Variants in CAMSAP1 observed in about 807,000 individuals in gnomAD.
CAMSAP1 encodes the protein calmodulin regulated spectrin associated protein 1.
In CAMSAP1, 58 loss-of-function variants were observed where a neutral mutation model predicts 143.5. The ratio of observed to expected loss-of-function variants is 0.40; its 90% CI spans 0.33 to 0.50. The LOEUF (loss-of-function observed/expected upper bound fraction) is 0.50. Among genes scored for constraint, CAMSAP1 ranks in the 20% least tolerant of loss-of-function variants. The probability of loss-of-function intolerance (pLI) is 0.45; values close to 1 mark genes in which losing one functional copy is unlikely to be tolerated. For synonymous variants in CAMSAP1, 945 were observed against 859.3 expected (o/e 1.10, Z -1.74); for missense variants, 1,969 against 2,115.7 (o/e 0.93, Z 1.36).
At chr9:135,875,211 ATTTTTT>A (rs56899993) in intron 3 of CAMSAP1, among the ~76,000 whole-genome samples, 1 of 147,068 alleles carries the variant, frequency 6.8e-6, no homozygotes, top group Non-Finnish European at 1.5e-5. Flanking sequence ...AGTGAAAACA[ATTTTTT>A]TTTTTTTTTG....
chr9:135,892,848 C>CAAAAAAAAAAAAAAAA (rs59978082), intron 1 of CAMSAP1, among the ~76,000 whole-genome samples: 2,049 of 41,896 alleles, frequency 0.049, 358 homozygotes, highest in Non-Finnish European at 0.068. Flanking sequence ...AAGACTGTCT[C>CAAAAAAAAAAAAAAAA]AAAAAAAAAA....
At position 135,818,236 on chromosome 9, in the gene CAMSAP1, C is replaced by T; in HGVS notation, c.4169-157G>A. Reference sequence around the variant, plus strand: ...GGAGCCGGGCTGCGCCTGGATGTGCCGCACATCTCAGAGCATCTGGTCTCA... The same window carrying T: ...GGAGCCGGGCTGCGCCTGGATGTGCTGCACATCTCAGAGCATCTGGTCTCA... On this transcript the variant is annotated intron_variant, in intron 13 of 16. Transcript: ENST00000389532. The surrounding 1 kb of genome is among the most constrained non-coding windows in gnomAD (Gnocchi z 7.7). The T allele has an allele frequency of 3.6e-6, 4 of 1,106,602 alleles. No individual in the cohort carries two copies. Among genetic ancestry groups the T allele is most frequent in the Middle Eastern group, 2.0e-4 (1 of 4,952 alleles). The allele number at this position is 1,106,602 out of a possible 1,614,324, so 68.5% of individuals were successfully genotyped here. A position where few individuals can be genotyped will look rare whatever the true frequency, so the allele number is the denominator to read the frequency against.
chr9:135,815,115 G>A lies in CAMSAP1; in HGVS notation c.4488C>T (p.His1496=), dbSNP rs1272911049. The change falls in exon 16 of 17, where the codon CAC becomes CAT. Residue 1496 remains histidine, a synonymous_variant. Coordinates refer to ENST00000389532, the MANE Select transcript of CAMSAP1 (RefSeq NM_015447.4). Reference sequence around the variant, plus strand: ...TACTTGCCTCCAATATGGAATTCTTGTGGGGTTCGTTCACTTTTCCAGCCA... The same window carrying A: ...TACTTGCCTCCAATATGGAATTCTTATGGGGTTCGTTCACTTTTCCAGCCA... ...CCLAGKVNEP[H]KNSILEELEK... is the part of the protein sequence containing the mutation. 2 of 1,612,120 alleles carry A rather than the reference G, an allele frequency of 1.2e-6. No individual in the cohort carries two copies. Among genetic ancestry groups the A allele is most frequent in the African/African-American group, 1.3e-5 (1 of 74,880 alleles).
chr9:135,874,693 T>TA (rs1837680958), intron 3 of CAMSAP1, among the ~76,000 whole-genome samples: 1 of 151,998 alleles, frequency 6.6e-6, no homozygotes, highest in African/African-American at 2.4e-5. Flanking sequence ...CCTTTATAAT[T>TA]AAAAAAGAGC....
Position 135,881,799 on chromosome 9 carries a change from G to A in CAMSAP1, c.424-5C>T, listed in dbSNP as rs901368081. On this transcript the variant is annotated splice_polypyrimidine_tract_variant and splice_region_variant and intron_variant, in intron 2 of 16. Transcript: ENST00000389532. ...CACCATTGCCATGTGGGCACTCTAGGGGCAGAGGCAGCAGCTATAATCCCT... is the reference window on the plus strand; with the variant it reads ...CACCATTGCCATGTGGGCACTCTAGAGGCAGAGGCAGCAGCTATAATCCCT... 2.0e-5 allele frequency: 31 copies of A among 1,551,744 alleles called. No homozygotes were observed. Among genetic ancestry groups the A allele is most frequent in the African/African-American group, 2.7e-5 (2 of 73,002 alleles).
At chr9:135,884,819 G>A (rs569425490) in intron 1 of CAMSAP1, among the ~76,000 whole-genome samples, 1 of 152,304 alleles carries the variant, frequency 6.6e-6, no homozygotes, top group African/African-American at 2.4e-5. Context: ...CGCACACGCC[G>A]GAGTGAGACG....
intron 1 of CAMSAP1, among the ~76,000 whole-genome samples, chr9:135,886,869 C>G (rs762722583): frequency 2.0e-5 from 3 of 152,194 alleles, no homozygotes; most frequent in African/African-American, 7.2e-5. Context: ...TGATGCAGTA[C>G]GACAAAAACA....
intron 7 of CAMSAP1, among the ~76,000 whole-genome samples, chr9:135,843,830 C>T (rs928038621): frequency 1.4e-5 from 2 of 146,746 alleles, no homozygotes; most frequent in East Asian, 4.0e-4. Context: ...GCCAAGATCG[C>T]GCCACTGCTC....
chr9:135,825,129 G>A (rs942060153), intron 8 of CAMSAP1, among the ~76,000 whole-genome samples: 10 of 152,084 alleles, frequency 6.6e-5, no homozygotes, highest in African/African-American at 2.4e-4. Context: ...AGCTTCCCAC[G>A]GGAAAAGCAA....
chr9:135,884,258 T>C (rs918847995), intron 1 of CAMSAP1, among the ~76,000 whole-genome samples: 8 of 152,152 alleles, frequency 5.3e-5, no homozygotes, highest in Non-Finnish European at 1.0e-4. Context: ...GAGACATTCA[T>C]GGGGACACTA....
chr9:135,902,914 C>T (rs1465796359), intron 1 of CAMSAP1, among the ~76,000 whole-genome samples: 1 of 152,206 alleles, frequency 6.6e-6, no homozygotes, highest in Non-Finnish European at 1.5e-5. Context: ...GGGTTCAGGG[C>T]AGCTTGGCTC....
intron 8 of CAMSAP1, among the ~76,000 whole-genome samples, chr9:135,825,921 G>A (rs1169975230): frequency 6.6e-6 from 1 of 152,174 alleles, no homozygotes; most frequent in African/African-American, 2.4e-5. Flanking sequence ...GGGTTGCGGA[G>A]AGAGGGGCTC....
In CAMSAP1 at chr9:135,821,958, C is replaced by A; in HGVS notation, c.2703G>T (p.Ala901=). 6.2e-7 allele frequency: 1 copy of A among 1,612,468 alleles called. No homozygotes were observed. The highest frequency in any genetic ancestry group is 1.1e-5 in the South Asian group (1 of 90,962). The change falls in exon 11 of 17, where the codon GCG becomes GCT. Residue 901 remains alanine, a synonymous_variant. Transcript: ENST00000389532. This position sits in a 1 kb window ranked among gnomAD's most constrained non-coding sequence, Gnocchi z 4.6. ...GCTTCAGGCGCTGCCTTGCCGACAG[C>A]GCCTCCATCTTCTTCTTCTGGGCCT... ...AIEAQKKKME[A]LSARQRLKLG... is the part of the protein sequence containing the mutation.
rs1249757202 is a variant in CAMSAP1 at position 135,907,319 on chromosome 9, C to T, written c.-160G>A. 2 of 249,864 alleles carry T rather than the reference C, an allele frequency of 8.0e-6. No homozygotes were observed. The highest frequency in any genetic ancestry group is 1.3e-5 in the Non-Finnish European group (2 of 159,858). 15.5% of individuals were successfully genotyped at this position (249,864 alleles called of 1,614,324 possible). ...CCCCCGCCTCACCTCACAGCCGCCG[C>T]CGTCGCCGCCCCCGCGGCTGCTGCA... On this transcript the variant is annotated 5_prime_UTR_variant, in exon 1 of 17. Transcript: ENST00000389532.
In CAMSAP1 at chr9:135,867,475, C is replaced by CCCCCTT. The variant is rs1491489651; in HGVS notation, c.586-940_586-939insAAGGGG. On this transcript the variant is annotated intron_variant, in intron 3 of 16. Transcript: ENST00000389532. ...GCCTAGGCAACACAGCAAGACCCCC[C>CCCCCTT]TCTTTTTTTTTTTTAAAAAAAAAGT... Among the ~76,000 whole-genome samples, 30 of 145,344 alleles carry CCCCCTT rather than the reference C, an allele frequency of 2.1e-4. 1 individual carries two copies. The highest frequency in any genetic ancestry group is 1.3e-3 in the South Asian group (6 of 4,590).
At position 135,822,600 on chromosome 9, in the gene CAMSAP1, TCCG is replaced by T. The variant is rs1158179049; in HGVS notation, c.2058_2060del (p.Gly687del). On this transcript the variant is annotated inframe_deletion, in exon 11 of 17. Transcript: ENST00000389532. The surrounding 1 kb of genome is among the most constrained non-coding windows in gnomAD (Gnocchi z 6.1). ...ATGGTCCCTGGGGGAACGGATCGAA[TCCG>T]CCAAGGGCCAGAGGCCCACCACAGA... 6.2e-7 allele frequency: 1 copy of T among 1,612,764 alleles called. No homozygotes were observed. Among genetic ancestry groups the T allele is most frequent in the Admixed American group, 1.7e-5 (1 of 59,860 alleles).
Position 135,849,339 on chromosome 9 carries a change from G to A in CAMSAP1, c.1045+798C>T, listed in dbSNP as rs76396207. Among the ~76,000 whole-genome samples the A allele has an allele frequency of 9.6e-3, 1,456 of 152,324 alleles. 42 individuals carry two copies. The East Asian group carries it at 0.11, about 11-fold the overall frequency. ...ACAGGAAACACGGTTTCCACTGAAC[G>A]TGCATCGCTTTTGCACCACGGTGAA... On this transcript the variant is annotated intron_variant, in intron 7 of 16. Coordinates refer to ENST00000389532, the MANE Select transcript of CAMSAP1 (RefSeq NM_015447.4).
intron 7 of CAMSAP1, chr9:135,836,194 G>A (rs767181647): frequency 1.2e-5 from 12 of 984,874 alleles, no homozygotes; most frequent in Admixed American, 6.2e-5. Flanking sequence ...ACCTTTACCC[G>A]TTCCGCAGCC....
At chr9:135,859,039 G>C (rs959760680) in intron 5 of CAMSAP1, among the ~76,000 whole-genome samples, 1 of 152,182 alleles carries the variant, frequency 6.6e-6, no homozygotes, top group African/African-American at 2.4e-5. Context: ...CAGTCACCTA[G>C]GCTTCTCTCA....
Sources: gnomAD v4.1 joint callset for allele counts (sites outside exome capture counted in the v4.1 genomes callset) on GRCh38, gnomAD v4.1.1 for gene constraint, Gnocchi (gnomAD v3.1) non-coding constraint, MANE v1.5 for transcripts, NCBI Gene and HGNC (gene_info 2026-07-23, HGNC 2026-07-21) for gene names.